The following GRIP2 variants were observed in gnomAD, a reference collection of about 807,000 sequenced individuals.
The protein encoded by GRIP2 is glutamate receptor-interacting protein 2.
GRIP2 carries 58 observed loss-of-function variants against 108.3 expected under a neutral mutation model. The observed-to-expected ratio is 0.54, with a 90% CI of 0.43 to 0.67. The LOEUF (loss-of-function observed/expected upper bound fraction) is 0.67, where lower values mean the gene tolerates loss of function less well. Among genes scored for constraint, GRIP2 ranks in the 30% least tolerant of loss-of-function variants. The pLI is 0.00. For missense variants in GRIP2, 1,278 were observed against 1,430.6 expected, an observed-to-expected ratio of 0.89 and a Z score of 1.72; for synonymous variants, 586 against 598.2, an observed-to-expected ratio of 0.98 and a Z score of 0.30.
At chr3:14,557,203 A>G (rs1252436708), upstream of GRIP2, among the ~76,000 whole-genome samples, 7 of 152,216 alleles carry the variant, frequency 4.6e-5, no homozygotes, top group Admixed American at 1.3e-4. Flanking sequence ...CAGGATTCCT[A>G]GGACGGATGG....
intron 1 of GRIP2, among the ~76,000 whole-genome samples, chr3:14,553,014 C>T (rs1489462611): frequency 6.6e-6 from 1 of 152,214 alleles, no homozygotes. Flanking sequence ...CTCCTCCACC[C>T]TGCCTCCCTC....
rs200183867 is a variant in GRIP2 at position 14,527,418 on chromosome 3, G to A, written c.41-1487C>T. Among the ~76,000 whole-genome samples, 10 of 57,406 alleles carry A rather than the reference G, an allele frequency of 1.7e-4. No individual in the cohort carries two copies. In the East Asian group the frequency reaches 5.3e-3, roughly 30 times the overall value. 37.7% of individuals were successfully genotyped at this position (57,406 alleles called of 152,430 possible). On this transcript the variant is annotated intron_variant, in intron 1 of 23. Transcript: ENST00000621039. Reference sequence around the variant, plus strand: ...AAAGGAAAGGAAAGAAGGAAAGCGAGGGGAGGGGAGGGGAGGGGAGGGAAG... The same window carrying A: ...AAAGGAAAGGAAAGAAGGAAAGCGAAGGGAGGGGAGGGGAGGGGAGGGAAG...
the GRIP2 span, among the ~76,000 whole-genome samples, chr3:14,601,327 T>C: frequency 5.9e-5 from 9 of 152,140 alleles, no homozygotes; most frequent in Non-Finnish European, 1.2e-4. Context: ...CGAAAGTTAG[T>C]GGTGGGCACC....
chr3:14,525,754 G>T, intron 2 of GRIP2, 97 bp downstream of exon 2: 1 of 1,355,758 alleles, frequency 7.4e-7, no homozygotes, highest in Non-Finnish European at 1.0e-6. Flanking sequence ...TAAGGTCACA[G>T]AGCAAGTCAG....
chr3:14,496,429 C>T lies in GRIP2; in HGVS notation c.2811G>A (p.Leu937=). 1.2e-6 allele frequency: 2 copies of T among 1,611,562 alleles called. No homozygotes were observed. The highest frequency in any genetic ancestry group is 1.3e-5 in the African/African-American group (1 of 75,016). The change falls in exon 22 of 24, where the codon TTG becomes TTA. Residue 937 remains leucine, a synonymous_variant. Coordinates refer to ENST00000621039, the MANE Select transcript of GRIP2 (RefSeq NM_001080423.4). ...CCCCTGTGCCTACCTTGTGCATCTC[C>T]AAGGGTGTAGGCAGCAACAGCTCCT... ...EMEELLLPTP[L]EMHKVTLHKD...
At chr3:14,495,147 C>A (rs1207392432) in intron 22 of GRIP2, among the ~76,000 whole-genome samples, 158 bp from the exon 23 acceptor site, 1 of 152,062 alleles carries the variant, frequency 6.6e-6, no homozygotes, top group Non-Finnish European at 1.5e-5. Context: ...CTTCAGCCAC[C>A]CCCGCCACCC....
Position 14,520,232 on chromosome 3 carries a change from G to T in GRIP2, c.908C>A (p.Thr303Asn), listed in dbSNP as rs1207984466. 10 of 1,613,884 alleles carry T rather than the reference G, an allele frequency of 6.2e-6. No individual in the cohort carries two copies. Among genetic ancestry groups the T allele is most frequent in the Non-Finnish European group, 7.6e-6 (9 of 1,179,890 alleles). Residue 303 changes from threonine (T) to asparagine (N), a missense_variant, in exon 9 of 24, where the codon ACC becomes AAC. Physicochemically the swap from Thr to Asn is moderately conservative, Grantham distance 65. Coordinates refer to ENST00000621039, the MANE Select transcript of GRIP2 (RefSeq NM_001080423.4). ...PGDHILSIDG[T>N]SMEHCSLLEA... ...AAGCAGCGAGCAGTGTTCCATGCTG[G>T]TGCCATCGATGGACAGGATGTGGTC...
chr3:14,495,999 G>A (rs1693590452), intron 22 of GRIP2, among the ~76,000 whole-genome samples: 1 of 152,034 alleles, frequency 6.6e-6, no homozygotes, highest in Admixed American at 6.5e-5. Flanking sequence ...ACAAAAATTA[G>A]CCAGGTGTAG....
rs1701379225 is a variant in GRIP2 at position 14,493,386 on chromosome 3, C to T, written c.*279G>A. The T allele has an allele frequency of 2.3e-6, 1 of 427,222 alleles. No homozygotes were observed. Among genetic ancestry groups the T allele is most frequent in the Non-Finnish European group, 4.2e-6 (1 of 238,934 alleles). 26.5% of individuals were successfully genotyped at this position (427,222 alleles called of 1,614,324 possible). ...CCAGGCCTCTCTCCTCTCGGCTGAG[C>T]AGCCTGTGCCAACCCTTCTTAAGGG... On this transcript the variant is annotated 3_prime_UTR_variant, in exon 24 of 24. Transcript: ENST00000621039.
chr3:14,550,218 T>G (rs188791504), intron 1 of GRIP2, among the ~76,000 whole-genome samples: 47 of 152,258 alleles, frequency 3.1e-4, no homozygotes, highest in Non-Finnish European at 2.2e-4. Flanking sequence ...CAGCACCAAG[T>G]AGCAGAGCCA....
At chr3:14,495,788 T>C (rs1353872442) in intron 22 of GRIP2, among the ~76,000 whole-genome samples, 1 of 152,190 alleles carries the variant, frequency 6.6e-6, no homozygotes, top group Non-Finnish European at 1.5e-5. Flanking sequence ...GTGAGATACA[T>C]AGACGTCACA....
intron 17 of GRIP2, among the ~76,000 whole-genome samples, chr3:14,509,336 G>T (rs903290850): frequency 1.4e-4 from 22 of 152,208 alleles, no homozygotes; most frequent in African/African-American, 4.8e-4. Context: ...TTCCATCTCT[G>T]ACCTCCACCT....
chr3:14,506,997 G>T lies in GRIP2; in HGVS notation c.2219-17C>A, dbSNP rs1252747790. On this transcript the variant is annotated splice_polypyrimidine_tract_variant and intron_variant, in intron 18 of 23. Coordinates refer to ENST00000621039, the MANE Select transcript of GRIP2 (RefSeq NM_001080423.4). ...GGAGGGGACCTGGGAGGAGAGAGGG[G>T]TGTCAATTCTGACTTCAGAGACACT... 5 of 1,577,922 alleles carry T rather than the reference G, an allele frequency of 3.2e-6. No individual in the cohort carries two copies. Among genetic ancestry groups the T allele is most frequent in the Non-Finnish European group, 3.4e-6 (4 of 1,160,822 alleles).
chr3:14,574,156 C>A, the GRIP2 span: 1 of 921,160 alleles, frequency 1.1e-6, no homozygotes, highest in East Asian at 2.4e-5. Flanking sequence ...ATGCACACGG[C>A]TAGAATGGTG....
intron 1 of GRIP2, among the ~76,000 whole-genome samples, chr3:14,526,447 A>G (rs1694556547): frequency 1.3e-5 from 2 of 152,210 alleles, no homozygotes; most frequent in Admixed American, 6.5e-5. Flanking sequence ...ACGAAACTCA[A>G]TCTTGGGTGG....
At chr3:14,589,779 C>T in the GRIP2 span, among the ~76,000 whole-genome samples, 4 of 119,050 alleles carry the variant, frequency 3.4e-5, no homozygotes, top group South Asian at 2.7e-4. Context: ...ACAGACTACA[C>T]TTTTTTTTTT....
chr3:14,594,391 C>T, the GRIP2 span, among the ~76,000 whole-genome samples: 4 of 151,962 alleles, frequency 2.6e-5, no homozygotes, highest in South Asian at 2.1e-4. Flanking sequence ...TGTAGGGAAG[C>T]GGTGACGTGC....
At chr3:14,553,844 G>C (rs1695191483) in intron 1 of GRIP2, among the ~76,000 whole-genome samples, 1 of 152,106 alleles carries the variant, frequency 6.6e-6, no homozygotes, top group Non-Finnish European at 1.5e-5. Context: ...TCACTTAATG[G>C]GCAAAGCAAG....
the GRIP2 span, among the ~76,000 whole-genome samples, chr3:14,591,807 C>T: frequency 1.1e-4 from 16 of 152,194 alleles, no homozygotes; most frequent in Non-Finnish European, 2.1e-4. Context: ...GCAAGGACTA[C>T]ACAGGAGTGA....
Sources: allele counts gnomAD v4.1 joint callset (sites outside exome capture counted in the v4.1 genomes callset), GRCh38; gene constraint gnomAD v4.1.1; transcripts MANE v1.5; gene names NCBI Gene and HGNC (gene_info 2026-07-23, HGNC 2026-07-21).